Variants in DSCAM observed in about 807,000 individuals in gnomAD.
The protein encoded by DSCAM is DS cell adhesion molecule.
Under a neutral mutation model 217.7 loss-of-function variants are expected in DSCAM, and 47 were observed. That is an observed-to-expected ratio of 0.22 (90% confidence interval 0.17 to 0.28). The LOEUF (loss-of-function observed/expected upper bound fraction) is 0.28, where lower values mean the gene tolerates loss of function less well. Ranked by LOEUF, DSCAM falls within the 10% of genes least tolerant of loss-of-function variation. The probability of loss-of-function intolerance (pLI) is 1.00; values close to 1 mark genes in which losing one functional copy is unlikely to be tolerated. For missense variants in DSCAM, 2,080 were observed against 2,618.3 expected (o/e 0.79, Z 4.49); for synonymous variants, 1,056 against 1,015.3 (o/e 1.04, Z -0.76).
chr21:40,517,969 C>A lies in DSCAM; in HGVS notation c.509-148724G>T, dbSNP rs1167349347. Among the ~76,000 whole-genome samples, 3 of 152,136 alleles carry A rather than the reference C, an allele frequency of 2.0e-5. No individual in the cohort carries two copies. In the South Asian group the frequency reaches 6.2e-4, roughly 32 times the overall value. On this transcript the variant is annotated intron_variant, in intron 3 of 32. Coordinates refer to ENST00000400454, the MANE Select transcript of DSCAM (RefSeq NM_001389.5). ...CTGAGTATGAGCTTTAGCCCAAATG[C>A]CAACCTCTGGGTCCCATGCTTTTCT... is the stretch of plus-strand genomic sequence containing the variant.
chr21:40,467,136 C>T (rs1002733972), intron 3 of DSCAM, among the ~76,000 whole-genome samples: 1 of 152,172 alleles, frequency 6.6e-6, no homozygotes, highest in African/African-American at 2.4e-5. Context: ...TGTATTTAAA[C>T]AATCAAGACA....
chr21:40,571,797 C>A (rs2146204488), intron 3 of DSCAM, among the ~76,000 whole-genome samples: 1 of 152,214 alleles, frequency 6.6e-6, no homozygotes, highest in Non-Finnish European at 1.5e-5. Flanking sequence ...GCCATGTTGG[C>A]CAGGCTGGTC....
intron 29 of DSCAM, 47 bp downstream of exon 29, chr21:40,055,678 T>C (rs192527491): frequency 2.7e-6 from 4 of 1,457,902 alleles, no homozygotes; most frequent in Non-Finnish European, 3.8e-6. Context: ...TGAGAAGGCA[T>C]GGCTGTGGCA....
chr21:40,151,142 C>T (rs986102672), intron 16 of DSCAM, among the ~76,000 whole-genome samples: 1 of 152,162 alleles, frequency 6.6e-6, no homozygotes, highest in African/African-American at 2.4e-5. Context: ...GTGTTGCTTG[C>T]TCACCTGCGT....
chr21:40,760,010 T>C (rs907923290), intron 1 of DSCAM, among the ~76,000 whole-genome samples: 2 of 123,978 alleles, frequency 1.6e-5, no homozygotes, highest in Non-Finnish European at 3.5e-5. Flanking sequence ...TTTATTTATT[T>C]ATGAGACAGA....
At chr21:40,199,427 T>C (rs955729304) in intron 11 of DSCAM, among the ~76,000 whole-genome samples, 1 of 152,206 alleles carries the variant, frequency 6.6e-6, no homozygotes, top group Non-Finnish European at 1.5e-5. Context: ...TTTCCAAGTC[T>C]TTGCTATTGT....
At chr21:40,461,298 TAATAC>T (rs1334709675) in intron 3 of DSCAM, among the ~76,000 whole-genome samples, 2 of 152,188 alleles carry the variant, frequency 1.3e-5, no homozygotes, top group Admixed American at 1.3e-4. Context: ...CAGAAACTCT[TAATAC>T]AATTGCAAAA....
At chr21:40,347,970 G>C in intron 5 of DSCAM, 25 bp from the exon 6 acceptor site, 1 of 1,591,236 alleles carries the variant, frequency 6.3e-7, no homozygotes, top group Admixed American at 1.8e-5. Flanking sequence ...AAGAGAGAGA[G>C]AAAAAAGATA....
intron 1 of DSCAM, among the ~76,000 whole-genome samples, chr21:40,829,649 C>T (rs1228253400): frequency 4.6e-5 from 7 of 152,242 alleles, no homozygotes; most frequent in Admixed American, 3.3e-4. Context: ...GTGATGGTAT[C>T]GAGATCACTA....
chr21:40,727,328 T>C (rs2090966108), intron 1 of DSCAM, among the ~76,000 whole-genome samples: 1 of 152,200 alleles, frequency 6.6e-6, no homozygotes, highest in African/African-American at 2.4e-5. Flanking sequence ...TTCTTAAAAC[T>C]TCAAGAAGTT....
At chr21:40,815,602 A>C (rs2091874332) in intron 1 of DSCAM, among the ~76,000 whole-genome samples, 1 of 152,210 alleles carries the variant, frequency 6.6e-6, no homozygotes, top group Non-Finnish European at 1.5e-5. Flanking sequence ...ATAATAATGG[A>C]AGTGTCACAC....
Position 40,256,424 on chromosome 21 carries a change from CAGAGAGAGAGAGAG to C in DSCAM, c.2356+19659_2356+19672del, listed in dbSNP as rs371266280. On this transcript the variant is annotated intron_variant, in intron 11 of 32. Transcript: ENST00000400454. ...ACAGACAGAGAGAGAGAGAGAGAGA[CAGAGAGAGAGAGAG>C]ACACACACAGACAGACACACACACA... 2.4e-3 allele frequency among the ~76,000 whole-genome samples: 343 copies of C among 143,416 alleles called. 1 individual carries two copies. The highest frequency in any genetic ancestry group is 9.3e-3 in the African/African-American group (328 of 35,096). The allele number at this position is 143,416 out of a possible 152,430, so 94.1% of individuals were successfully genotyped here. A position where few individuals can be genotyped will look rare whatever the true frequency, so the allele number is the denominator to read the frequency against.
At chr21:40,225,343 T>C (rs1486006733) in intron 11 of DSCAM, among the ~76,000 whole-genome samples, 1 of 152,166 alleles carries the variant, frequency 6.6e-6, no homozygotes, top group African/African-American at 2.4e-5. Flanking sequence ...ATCTGCCTTG[T>C]GTTTAGAAGC....
chr21:40,204,843 A>C (rs923579244), intron 11 of DSCAM, among the ~76,000 whole-genome samples: 1 of 152,190 alleles, frequency 6.6e-6, no homozygotes, highest in South Asian at 2.1e-4. Flanking sequence ...ACACAGTCAC[A>C]TGTGCAACTA....
chr21:40,431,536 T>C (rs767315229), intron 3 of DSCAM, among the ~76,000 whole-genome samples: 1 of 152,110 alleles, frequency 6.6e-6, no homozygotes, highest in African/African-American at 2.4e-5. Flanking sequence ...AATGTGAAGA[T>C]GATGAAGACG....
chr21:40,183,693 G>A (rs1050686054), intron 14 of DSCAM, among the ~76,000 whole-genome samples: 1 of 152,190 alleles, frequency 6.6e-6, no homozygotes, highest in East Asian at 1.9e-4. Context: ...CTGGCCAAAG[G>A]CAGAGCTGTG....
At chr21:40,392,932 T>A (rs917917571) in intron 3 of DSCAM, among the ~76,000 whole-genome samples, 1 of 152,158 alleles carries the variant, frequency 6.6e-6, no homozygotes, top group Non-Finnish European at 1.5e-5. Context: ...AAATTTACAA[T>A]TCAACCCCCA....
intron 3 of DSCAM, among the ~76,000 whole-genome samples, chr21:40,562,298 ACTCTCACATGCT>A (rs2076726594): frequency 6.6e-6 from 1 of 151,674 alleles, no homozygotes; most frequent in Admixed American, 6.6e-5. Flanking sequence ...TTTTTCCCAG[ACTCTCACATGCT>A]CTCTCACCTT....
chr21:40,602,053 CTTTTTTTTTT>C (rs761687929), intron 3 of DSCAM, among the ~76,000 whole-genome samples: 1 of 89,494 alleles, frequency 1.1e-5, no homozygotes, highest in African/African-American at 4.9e-5. Context: ...TCTGCTTCTA[CTTTTTTTTTT>C]TTTTTTTTTT....
Sources: gnomAD v4.1 joint callset for allele counts (sites outside exome capture counted in the v4.1 genomes callset) on GRCh38, gnomAD v4.1.1 for gene constraint, MANE v1.5 for transcripts, NCBI Gene and HGNC (gene_info 2026-07-23, HGNC 2026-07-21) for gene names.